The following KIAA0825 variants were observed in gnomAD, a reference collection of about 807,000 sequenced individuals.
KIAA0825 encodes the protein KIAA0825, also known as uncharacterized protein KIAA0825.
In KIAA0825, 119 loss-of-function variants were observed where a neutral mutation model predicts 147.6. The observed-to-expected ratio is 0.81, with a 90% CI of 0.69 to 0.94. KIAA0825 has a LOEUF of 0.94. Ranked by LOEUF, KIAA0825 falls within the 40% of genes least tolerant of loss-of-function variation. KIAA0825 has a pLI of 0.00. For synonymous variants in KIAA0825, 470 were observed against 518.1 expected (o/e 0.91, Z 1.26); for missense variants, 1,381 against 1,472.7 (o/e 0.94, Z 1.02).
At chr5:94,511,282 A>G (rs1455094004) in intron 5 of KIAA0825, among the ~76,000 whole-genome samples, 1 of 152,154 alleles carries the variant, frequency 6.6e-6, no homozygotes, top group Non-Finnish European at 1.5e-5. Context: ...TATTTTTGTT[A>G]TAGCAGCCTG....
At chr5:94,466,736 C>CAAAAAAA (rs56785201) in intron 10 of KIAA0825, among the ~76,000 whole-genome samples, 6 of 61,240 alleles carry the variant, frequency 9.8e-5, no homozygotes, top group Admixed American at 1.8e-4. Flanking sequence ...GACTGTGTCT[C>CAAAAAAA]AAAAAAAAAA....
Position 94,164,629 on chromosome 5 carries a change from T to C in KIAA0825, c.3711-10505A>G, listed in dbSNP as rs187614639. On this transcript the variant is annotated intron_variant, in intron 20 of 20. Coordinates refer to ENST00000682413, the MANE Select transcript of KIAA0825 (RefSeq NM_001145678.3). ...GGTTTCACCGTGTTAGCCAGGATGGTCTTCATCTCCTGACCTCGTGATCTG... is the reference window on the plus strand; with the variant it reads ...GGTTTCACCGTGTTAGCCAGGATGGCCTTCATCTCCTGACCTCGTGATCTG... Among the ~76,000 whole-genome samples the C allele has an allele frequency of 4.4e-3, 667 of 152,236 alleles. 2 individuals carry two copies. Among genetic ancestry groups the C allele is most frequent in the Middle Eastern group, 6.8e-3 (2 of 294 alleles).
chr5:94,206,936 C>T (rs575821167), intron 20 of KIAA0825, among the ~76,000 whole-genome samples: 1 of 152,280 alleles, frequency 6.6e-6, no homozygotes, highest in East Asian at 1.9e-4. Context: ...ATAGACAATA[C>T]CACATTGCTG....
intron 5 of KIAA0825, among the ~76,000 whole-genome samples, chr5:94,518,936 T>G (rs1025464087): frequency 6.6e-6 from 1 of 152,104 alleles, no homozygotes; most frequent in Non-Finnish European, 1.5e-5. Flanking sequence ...TTGAAAAGAC[T>G]TTACAAGTAA....
chr5:94,484,981 T>C (rs970126103), intron 5 of KIAA0825, 51 bp from the exon 6 acceptor site: 48 of 1,250,106 alleles, frequency 3.8e-5, no homozygotes, highest in Non-Finnish European at 4.8e-5. Context: ...ACCTTCTTAG[T>C]AAATATTAGA....
chr5:94,615,761 G>C (rs1198772920), intron 1 of KIAA0825: 1 of 151,680 alleles, frequency 6.6e-6, no homozygotes, highest in African/African-American at 2.4e-5. Flanking sequence ...TTTAAAAAAT[G>C]TACAAATACT....
chr5:94,472,951 G>C (rs1285552975), intron 8 of KIAA0825, among the ~76,000 whole-genome samples: 2 of 152,122 alleles, frequency 1.3e-5, no homozygotes, highest in Non-Finnish European at 2.9e-5. Context: ...CCCAAAGCTA[G>C]AAAAGACAGC....
At chr5:94,419,278 TTCC>T (rs1438552691) in intron 14 of KIAA0825, among the ~76,000 whole-genome samples, 1 of 152,210 alleles carries the variant, frequency 6.6e-6, no homozygotes, top group Non-Finnish European at 1.5e-5. Flanking sequence ...ATGGCAAATA[TTCC>T]TAATCCAGGC....
At chr5:94,368,057 T>C (rs1170550621) in intron 20 of KIAA0825, among the ~76,000 whole-genome samples, 1 of 152,222 alleles carries the variant, frequency 6.6e-6, no homozygotes, top group East Asian at 1.9e-4. Context: ...ACACCCATTG[T>C]AAATATAGAC....
chr5:94,197,259 T>C (rs1306859062), intron 20 of KIAA0825, among the ~76,000 whole-genome samples: 1 of 152,192 alleles, frequency 6.6e-6, no homozygotes, highest in Non-Finnish European at 1.5e-5. Context: ...TGGCCATGTG[T>C]ATGTCTTCTT....
chr5:94,369,849 C>A (rs903021566), intron 20 of KIAA0825, among the ~76,000 whole-genome samples: 1 of 151,986 alleles, frequency 6.6e-6, no homozygotes, highest in Non-Finnish European at 1.5e-5. Context: ...TCAGTTTTCT[C>A]ACAGGGAGCA....
chr5:94,419,351 T>A (rs1231527566), intron 14 of KIAA0825, among the ~76,000 whole-genome samples: 1 of 152,236 alleles, frequency 6.6e-6, no homozygotes, highest in African/African-American at 2.4e-5. Context: ...TTCTGCTCCC[T>A]CCAATTCATC....
intron 2 of KIAA0825, chr5:94,570,464 A>G (rs1200741771): frequency 1.3e-5 from 2 of 152,556 alleles, no homozygotes; most frequent in Non-Finnish European, 2.9e-5. Flanking sequence ...TATACTCCAC[A>G]TATCCAAACA....
At chr5:94,202,403 C>A (rs1344282447) in intron 20 of KIAA0825, among the ~76,000 whole-genome samples, 3 of 152,254 alleles carry the variant, frequency 2.0e-5, no homozygotes, top group Admixed American at 2.0e-4. Context: ...TTTACGTGTG[C>A]TGGGCTTCAG....
At chr5:94,429,300 C>T (rs921971833) in intron 14 of KIAA0825, among the ~76,000 whole-genome samples, 2 of 152,148 alleles carry the variant, frequency 1.3e-5, no homozygotes, top group Non-Finnish European at 2.9e-5. Context: ...CTGTTTCCTT[C>T]TCATCTGGAG....
chr5:94,576,079 T>C lies in KIAA0825; in HGVS notation c.-2+6354A>G, dbSNP rs146567161. Reference sequence around the variant, plus strand: ...GAAATGTTCAGAATACAGAGGAAGGTGATATGTGAGAGAAATGCATGAGAA... The same window carrying C: ...GAAATGTTCAGAATACAGAGGAAGGCGATATGTGAGAGAAATGCATGAGAA... On this transcript the variant is annotated intron_variant, in intron 2 of 20. Coordinates refer to ENST00000682413, the MANE Select transcript of KIAA0825 (RefSeq NM_001145678.3). 3.2e-3 allele frequency among the ~76,000 whole-genome samples: 480 copies of C among 152,084 alleles called. 5 individuals carry two copies. Among genetic ancestry groups the C allele is most frequent in the East Asian group, 0.021 (109 of 5,164 alleles).
chr5:94,431,989 A>G (rs1755734837), intron 14 of KIAA0825, among the ~76,000 whole-genome samples: 1 of 152,238 alleles, frequency 6.6e-6, no homozygotes, highest in South Asian at 2.1e-4. Context: ...ATCAGTTTTT[A>G]GCAAGGGAGT....
chr5:94,300,123 A>G (rs1280502782), intron 20 of KIAA0825, among the ~76,000 whole-genome samples: 1 of 152,070 alleles, frequency 6.6e-6, no homozygotes, highest in Non-Finnish European at 1.5e-5. Context: ...TATCCAATTT[A>G]TACATATTAG....
chr5:94,387,569 C>A (rs1749327404), intron 18 of KIAA0825, among the ~76,000 whole-genome samples: 1 of 152,050 alleles, frequency 6.6e-6, no homozygotes, highest in African/African-American at 2.4e-5. Context: ...GTGGTGGGCA[C>A]CTGTAATCCC....
Sources: allele counts gnomAD v4.1 joint callset (sites outside exome capture counted in the v4.1 genomes callset), GRCh38; gene constraint gnomAD v4.1.1; transcripts MANE v1.5; gene names NCBI Gene and HGNC (gene_info 2026-07-23, HGNC 2026-07-21).